C4orf17: variants seen among roughly 807,000 people sequenced by gnomAD.
C4orf17 encodes uncharacterized protein C4orf17.
Under a neutral mutation model 32.0 loss-of-function variants are expected in C4orf17, and 25 were observed. The ratio of observed to expected loss-of-function variants is 0.78; its 90% CI spans 0.57 to 1.09. The LOEUF (loss-of-function observed/expected upper bound fraction) is 1.09. C4orf17 is among the 50% of genes least tolerant of loss of function. C4orf17 has a pLI of 0.00. For synonymous variants in C4orf17, 149 were observed against 145.8 expected (o/e 1.02, Z -0.16); for missense variants, 420 against 420.0 (o/e 1.00, Z 0.00).
intron 8 of C4orf17, 182 bp from the exon 9 acceptor site, chr4:99,541,728 A>T: frequency 1.7e-6 from 1 of 580,254 alleles, no homozygotes; most frequent in Non-Finnish European, 3.0e-6. Context: ...CAAATAACTC[A>T]TTAAAGATGA....
chr4:99,524,049 C>A (rs192855919), intron 3 of C4orf17, among the ~76,000 whole-genome samples: 1 of 149,066 alleles, frequency 6.7e-6, no homozygotes, highest in African/African-American at 2.5e-5. Context: ...GTGCAATCTC[C>A]GCTCACTGCA....
At chr4:99,520,899 A>G (rs1160739772) in intron 2 of C4orf17, among the ~76,000 whole-genome samples, 2 of 152,224 alleles carry the variant, frequency 1.3e-5, no homozygotes, top group Non-Finnish European at 2.9e-5. Context: ...AATTATACTT[A>G]TAAGTATAGA....
intron 5 of C4orf17, among the ~76,000 whole-genome samples, chr4:99,530,161 A>T (rs1463355191): frequency 6.6e-6 from 1 of 152,164 alleles, no homozygotes; most frequent in Non-Finnish European, 1.5e-5. Flanking sequence ...ACTGTCAGAT[A>T]AACACAATCT....
intron 5 of C4orf17, among the ~76,000 whole-genome samples, chr4:99,532,740 A>G (rs1723497341): frequency 6.6e-6 from 1 of 152,212 alleles, no homozygotes; most frequent in Non-Finnish European, 1.5e-5. Flanking sequence ...TATTCTGTAA[A>G]TATTTAATGT....
intron 2 of C4orf17, among the ~76,000 whole-genome samples, chr4:99,517,911 CT>C (rs1723213941): frequency 6.6e-6 from 1 of 152,164 alleles, no homozygotes; most frequent in South Asian, 2.1e-4. Flanking sequence ...CAAAACTGAA[CT>C]CTTGATCTTC....
chr4:99,536,366 AAGGGGCTCTGTCCCAGGGGGAGATC>A (rs1560591062), intron 5 of C4orf17, among the ~76,000 whole-genome samples: 1 of 152,186 alleles, frequency 6.6e-6, no homozygotes, highest in African/African-American at 2.4e-5. Flanking sequence ...CCTCTCCCCC[AAGGGGCTCTGTCCCAGGGGGAGATC>A]AGAGCTCTGT....
chr4:99,539,091 A>G, intron 6 of C4orf17, 72 bp from the exon 7 acceptor site: 1 of 1,334,336 alleles, frequency 7.5e-7, no homozygotes, highest in Non-Finnish European at 1.1e-6. Flanking sequence ...GGAGCTGGAT[A>G]TTCCTGTGTT....
Position 99,516,855 on chromosome 4 carries a change from C to G in C4orf17, c.127+3647C>G, listed in dbSNP as rs200522854. Among the ~76,000 whole-genome samples the G allele has an allele frequency of 3.9e-5, 6 of 152,222 alleles. No homozygotes were observed. In the East Asian group the frequency reaches 7.7e-4, roughly 20 times the overall value. ...GGTTTTTACTTCTTCTCCTCGGGGC[C>G]CCTCTTCAGCCTACCGAAGCGTGGC... On this transcript the variant is annotated intron_variant, in intron 2 of 8. Transcript: ENST00000326581.
intron 5 of C4orf17, among the ~76,000 whole-genome samples, chr4:99,531,295 A>G (rs969920010): frequency 1.3e-5 from 2 of 152,222 alleles, no homozygotes; most frequent in East Asian, 1.9e-4. Context: ...CTGGACACCT[A>G]GTAATTGTTA....
chr4:99,533,442 C>T (rs769959631), intron 5 of C4orf17, among the ~76,000 whole-genome samples: 28 of 152,112 alleles, frequency 1.8e-4, no homozygotes, highest in South Asian at 6.2e-4. Flanking sequence ...AGAAGAGAAA[C>T]AATTGGGGTT....
intron 2 of C4orf17, among the ~76,000 whole-genome samples, chr4:99,513,886 G>C (rs1430174232): frequency 6.6e-6 from 1 of 152,058 alleles, no homozygotes; most frequent in African/African-American, 2.4e-5. Context: ...AAGAGAAAAG[G>C]GTTCTGATGT....
intron 1 of C4orf17, among the ~76,000 whole-genome samples, chr4:99,512,031 T>C (rs144702054): frequency 3.1e-4 from 47 of 152,210 alleles, no homozygotes; most frequent in Non-Finnish European, 5.1e-4. Flanking sequence ...TAAACATAGA[T>C]TGCTTTGTTC....
At chr4:99,540,508 A>G (rs775762589) in intron 8 of C4orf17, 53 bp downstream of exon 8, 2 of 1,153,914 alleles carry the variant, frequency 1.7e-6, no homozygotes, top group Admixed American at 1.8e-5. Context: ...ACCAGTAAGT[A>G]CTAATGACTC....
intron 5 of C4orf17, among the ~76,000 whole-genome samples, chr4:99,536,574 A>G (rs1339106880): frequency 6.6e-6 from 1 of 152,194 alleles, no homozygotes; most frequent in Non-Finnish European, 1.5e-5. Context: ...CCCTGGAGCC[A>G]GCAGGCTAGA....
At chr4:99,512,201 A>G (rs1046111210) in intron 1 of C4orf17, among the ~76,000 whole-genome samples, 1 of 152,228 alleles carries the variant, frequency 6.6e-6, no homozygotes, top group African/African-American at 2.4e-5. Context: ...GCTACGATGA[A>G]TAAGATTTTC....
chr4:99,515,115 G>A (rs896100364), intron 2 of C4orf17, among the ~76,000 whole-genome samples: 7 of 152,312 alleles, frequency 4.6e-5, no homozygotes, highest in East Asian at 1.9e-4. Flanking sequence ...GTTAAAAAGC[G>A]GGTGAGGATA....
chr4:99,517,751 A>T (rs1159225788), intron 2 of C4orf17, among the ~76,000 whole-genome samples: 1 of 152,184 alleles, frequency 6.6e-6, no homozygotes, highest in African/African-American at 2.4e-5. Flanking sequence ...AAACATGTTC[A>T]TTCACAAGTT....
At chr4:99,512,304 T>C (rs1723105175) in intron 1 of C4orf17, among the ~76,000 whole-genome samples, 1 of 152,202 alleles carries the variant, frequency 6.6e-6, no homozygotes, top group Admixed American at 6.5e-5. Flanking sequence ...AATAACGACT[T>C]TCTATGTTCT....
intron 2 of C4orf17, among the ~76,000 whole-genome samples, chr4:99,521,386 G>A (rs2718675): frequency 0.77 from 115,756 of 150,850 alleles, 44,515 homozygotes; most frequent in East Asian, 0.87. Flanking sequence ...AAAAAAAAAA[G>A]AGTAGATTTT....
Sources: gnomAD v4.1 joint callset for allele counts (sites outside exome capture counted in the v4.1 genomes callset) on GRCh38, gnomAD v4.1.1 for gene constraint, MANE v1.5 for transcripts, NCBI Gene and HGNC (gene_info 2026-07-23, HGNC 2026-07-21) for gene names.